The following RUNX1 variants were observed in gnomAD, a reference collection of about 807,000 sequenced individuals.
RUNX1 encodes the protein RUNX family transcription factor 1.
In RUNX1, 19 loss-of-function variants were observed where a neutral mutation model predicts 42.8. The observed-to-expected ratio is 0.44, with a 90% CI of 0.31 to 0.65. The LOEUF is 0.65. RUNX1 is among the 30% of genes least tolerant of loss of function. The pLI is 0.07. For missense variants in RUNX1, 528 were observed against 672.0 expected, an observed-to-expected ratio of 0.79 and a Z score of 2.37; for synonymous variants, 271 against 289.4, an observed-to-expected ratio of 0.94 and a Z score of 0.64.
At chr21:34,933,746 C>T (rs1335828187) in intron 2 of RUNX1, among the ~76,000 whole-genome samples, 2 of 152,334 alleles carry the variant, frequency 1.3e-5, no homozygotes, top group South Asian at 2.1e-4. Flanking sequence ...CCACTCCAGA[C>T]CTTCCTGGCT....
chr21:35,017,657 G>T lies in RUNX1; in HGVS notation c.58+31185C>A, dbSNP rs536989758. The stretch of plus-strand genomic sequence containing the variant: ...CAGGGAACGTGGGAACTCTAAGTTT[G>T]CCCTGCTATGAATCACTCTGGGTCT... On this transcript the variant is annotated intron_variant, in intron 2 of 8. Coordinates refer to ENST00000675419, the MANE Select transcript of RUNX1 (RefSeq NM_001754.5). Among the ~76,000 whole-genome samples the T allele has an allele frequency of 2.0e-5, 3 of 152,266 alleles. No homozygotes were observed. The South Asian group carries it at 6.2e-4, about 32-fold the overall frequency.
intron 2 of RUNX1, among the ~76,000 whole-genome samples, chr21:34,986,868 T>C (rs1421566505): frequency 1.3e-5 from 2 of 152,140 alleles, no homozygotes; most frequent in Non-Finnish European, 2.9e-5. Flanking sequence ...TTGTGGCAAT[T>C]TGTTATGGCA....
At chr21:34,819,795 C>T (rs2056882035) in intron 7 of RUNX1, among the ~76,000 whole-genome samples, 1 of 152,212 alleles carries the variant, frequency 6.6e-6, no homozygotes, top group African/African-American at 2.4e-5. Context: ...CCTGCCAAAG[C>T]CTCGTATTCC....
chr21:34,808,535 G>A (rs191811331), intron 7 of RUNX1, among the ~76,000 whole-genome samples: 12 of 152,264 alleles, frequency 7.9e-5, no homozygotes, highest in African/African-American at 2.9e-4. Flanking sequence ...AACCCTGCTG[G>A]TTCACCCTGG....
intron 2 of RUNX1, among the ~76,000 whole-genome samples, chr21:34,960,957 G>GAATT (rs1268705766): frequency 6.6e-6 from 1 of 152,136 alleles, no homozygotes; most frequent in East Asian, 1.9e-4. Context: ...GAGTCCTTTG[G>GAATT]AATTAGCAGA....
chr21:34,950,434 C>T (rs1277627812), intron 2 of RUNX1, among the ~76,000 whole-genome samples: 2 of 144,494 alleles, frequency 1.4e-5, no homozygotes, highest in Non-Finnish European at 2.9e-5. Context: ...CAAGGAAATG[C>T]CTTGTACATA....
chr21:34,884,805 TA>T (rs1165943841), intron 4 of RUNX1, among the ~76,000 whole-genome samples: 5 of 152,214 alleles, frequency 3.3e-5, no homozygotes, highest in African/African-American at 1.2e-4. Flanking sequence ...TCCTTTCCCC[TA>T]AATGTTCTCA....
chr21:34,897,467 C>A (rs2058139942), intron 2 of RUNX1, among the ~76,000 whole-genome samples: 2 of 152,238 alleles, frequency 1.3e-5, no homozygotes, highest in Admixed American at 1.3e-4. Flanking sequence ...TGGAGGGGGG[C>A]AGATCCTTCT....
Position 34,909,742 on chromosome 21 carries a change from T to C in RUNX1, c.59-16779A>G, listed in dbSNP as rs769552170. ...CTCCATGAGAGATGAGCTTGTTTCA[T>C]TGTTGCAAAGTATAGCCAAGCTGAT... is the stretch of plus-strand genomic sequence containing the variant. On this transcript the variant is annotated intron_variant, in intron 2 of 8. Coordinates refer to ENST00000675419, the MANE Select transcript of RUNX1 (RefSeq NM_001754.5). 4.6e-5 allele frequency among the ~76,000 whole-genome samples: 7 copies of C among 152,302 alleles called. 1 individual carries two copies. The highest frequency in any genetic ancestry group is 3.4e-3 in the Middle Eastern group (1 of 294).
chr21:35,026,050 G>T lies in RUNX1; in HGVS notation c.58+22792C>A, dbSNP rs552959262. Among the ~76,000 whole-genome samples, 4 of 152,290 alleles carry T rather than the reference G, an allele frequency of 2.6e-5. No homozygotes were observed. The East Asian group carries it at 7.7e-4, about 29-fold the overall frequency. The stretch of plus-strand genomic sequence containing the variant: ...AGACTTTCTGGTGCACCGTGGCACA[G>T]GGGTCTCTTCCAAAGGGACTCAATC... On this transcript the variant is annotated intron_variant, in intron 2 of 8. Transcript: ENST00000675419.
intron 8 of RUNX1, among the ~76,000 whole-genome samples, chr21:34,799,010 T>C (rs776284101): frequency 6.6e-5 from 10 of 152,206 alleles, no homozygotes; most frequent in Non-Finnish European, 1.2e-4. Flanking sequence ...AAACTTTGGC[T>C]TTTTATATTG....
intron 2 of RUNX1, among the ~76,000 whole-genome samples, chr21:34,921,153 C>G (rs1199226018): frequency 6.6e-6 from 1 of 152,186 alleles, no homozygotes; most frequent in Admixed American, 6.5e-5. Context: ...GCCACTGAAC[C>G]CAACCATTTT....
intron 2 of RUNX1, among the ~76,000 whole-genome samples, chr21:34,989,144 G>A (rs2058916411): frequency 6.6e-6 from 1 of 151,968 alleles, no homozygotes; most frequent in South Asian, 2.1e-4. Context: ...GAGTAGCTGA[G>A]ATTACAGGCG....
intron 2 of RUNX1, among the ~76,000 whole-genome samples, chr21:34,933,337 A>G (rs983869095): frequency 6.6e-6 from 1 of 152,202 alleles, no homozygotes; most frequent in African/African-American, 2.4e-5. Context: ...CCAAATGTCT[A>G]CATAACTAGG....
intron 6 of RUNX1, among the ~76,000 whole-genome samples, chr21:34,841,842 T>TAA (rs2057241143): frequency 6.6e-6 from 1 of 152,208 alleles, no homozygotes; most frequent in Non-Finnish European, 1.5e-5. Context: ...CCCTAGCCCT[T>TAA]TGGCTTAGGT....
At position 35,012,049 on chromosome 21, in the gene RUNX1, CA is replaced by C. The variant is rs2059130008; in HGVS notation, c.58+36792del. ...GATTAAGAAGGTAGCTGGTCAGAAA[CA>C]AACTTTGAATTAGGGGGATTTTTTA... is the stretch of plus-strand genomic sequence containing the variant. On this transcript the variant is annotated intron_variant, in intron 2 of 8. Coordinates refer to ENST00000675419, the MANE Select transcript of RUNX1 (RefSeq NM_001754.5). Among the ~76,000 whole-genome samples the C allele has an allele frequency of 2.0e-5, 3 of 152,270 alleles. No homozygotes were observed. The South Asian group carries it at 6.2e-4, about 32-fold the overall frequency.
intron 2 of RUNX1, among the ~76,000 whole-genome samples, chr21:34,906,928 A>T (rs1189545148): frequency 4.6e-5 from 7 of 152,250 alleles, no homozygotes. Context: ...CTTATGGTTT[A>T]AATATAAAAT....
In RUNX1 at chr21:34,987,430, G is replaced by A. The variant is rs567326955; in HGVS notation, c.58+61412C>T. 1.5e-4 allele frequency among the ~76,000 whole-genome samples: 23 copies of A among 152,316 alleles called. 1 individual carries two copies. The South Asian group carries it at 4.8e-3, about 32-fold the overall frequency. ...TCCCCAGGCGCCCAGCTTCTTGGCTGAGAAGGCAGCTGTTGATTCCTGACA... is the reference window on the plus strand; with the variant it reads ...TCCCCAGGCGCCCAGCTTCTTGGCTAAGAAGGCAGCTGTTGATTCCTGACA... On this transcript the variant is annotated intron_variant, in intron 2 of 8. Transcript: ENST00000675419.
intron 6 of RUNX1, among the ~76,000 whole-genome samples, chr21:34,841,102 CA>C (rs1255540492): frequency 6.6e-6 from 1 of 152,176 alleles, no homozygotes; most frequent in East Asian, 1.9e-4. Flanking sequence ...GGTTGGAAAA[CA>C]ATGAGACATC....
Sources: allele counts gnomAD v4.1 joint callset (sites outside exome capture counted in the v4.1 genomes callset), GRCh38; gene constraint gnomAD v4.1.1; transcripts MANE v1.5; gene names NCBI Gene and HGNC (gene_info 2026-07-23, HGNC 2026-07-21).